PLCG1: variants seen among roughly 807,000 people sequenced by gnomAD.
PLCG1 encodes the protein 1-phosphatidylinositol 4,5-bisphosphate phosphodiesterase gamma-1.
A neutral mutation model predicts 177.8 loss-of-function variants in PLCG1; 71 were observed. The ratio of observed to expected loss-of-function variants is 0.40; its 90% CI spans 0.33 to 0.49. The LOEUF (loss-of-function observed/expected upper bound fraction) is 0.49, where lower values mean the gene tolerates loss of function less well. Among genes scored for constraint, PLCG1 ranks in the 20% least tolerant of loss-of-function variants. The probability of loss-of-function intolerance (pLI) is 0.72; values close to 1 mark genes in which losing one functional copy is unlikely to be tolerated. For missense variants in PLCG1, 1,281 were observed against 1,709.0 expected (o/e 0.75, Z 4.42); for synonymous variants, 658 against 647.9 (o/e 1.02, Z -0.24).
intron 4 of PLCG1, chr20:41,162,224 G>GTTT (rs1568742730): frequency 1.6e-5 from 5 of 314,058 alleles, no homozygotes; most frequent in African/African-American, 1.0e-4. Context: ...TTTTTTGTTT[G>GTTT]TTTTGTTTTT....
chr20:41,163,976 T>A lies in PLCG1; in HGVS notation c.1066T>A (p.Cys356Ser), dbSNP rs1182747481. The A allele has an allele frequency of 6.2e-6, 10 of 1,614,104 alleles. No individual in the cohort carries two copies. Among genetic ancestry groups the A allele is most frequent in the Non-Finnish European group, 8.5e-6 (10 of 1,180,042 alleles). ...SESSLEAYAR[C>S]LRMGCRCIEL... is the part of the protein sequence containing the mutation. ...GTCCTCCTTGGAAGCCTATGCTCGC[T>A]GCCTGCGGATGGGCTGTCGCTGCAT... The change falls in exon 11 of 32, where the codon TGC (cysteine) becomes AGC (serine). Residue 356 changes from cysteine (C) to serine (S), a missense_variant. Coordinates refer to ENST00000685551, the MANE Select transcript of PLCG1 (RefSeq NM_002660.3). This position sits in a 1 kb window ranked among gnomAD's most constrained non-coding sequence, Gnocchi z 5.2.
In PLCG1 at chr20:41,166,686, G is replaced by C; in HGVS notation, c.2128G>C (p.Gly710Arg). ...NSYAISFRAE[G>R]KIKHCRVQQE... The stretch of plus-strand genomic sequence containing the variant: ...TGTTTTGTCCTTGTGAAGGGCTGAG[G>C]GCAAGATCAAGCATTGCCGTGTCCA... The change falls in exon 19 of 32, where the codon GGC becomes CGC. Residue 710 changes from glycine to arginine, a missense_variant. This residue lies in a region of PLCG1 where 723 missense variants were observed against 1,030.0 expected (regional missense o/e 0.70). Transcript: ENST00000685551. This position sits in a 1 kb window ranked among gnomAD's most constrained non-coding sequence, Gnocchi z 8.6. 1 of 1,614,152 alleles carries C rather than the reference G, an allele frequency of 6.2e-7. No homozygotes were observed. Among genetic ancestry groups the C allele is most frequent in the Non-Finnish European group, 8.5e-7 (1 of 1,180,012 alleles).
intron 1 of PLCG1, among the ~76,000 whole-genome samples, chr20:41,141,662 C>A (rs1312834583): frequency 6.6e-6 from 1 of 152,262 alleles, no homozygotes; most frequent in East Asian, 1.9e-4. Context: ...TGTGTATTTC[C>A]TGTCTGATGT....
Position 41,164,822 on chromosome 20 carries a change from T to C in PLCG1, c.1218-111T>C. On this transcript the variant is annotated intron_variant, in intron 12 of 31. Coordinates refer to ENST00000685551, the MANE Select transcript of PLCG1 (RefSeq NM_002660.3). The surrounding 1 kb of genome is among the most constrained non-coding windows in gnomAD (Gnocchi z 6.4). ...CCTGCCTCTTTTCTGGGATAGTTTTTACAGACAAGAAGCCCCCAGGCCCTT... is the reference window on the plus strand; with the variant it reads ...CCTGCCTCTTTTCTGGGATAGTTTTCACAGACAAGAAGCCCCCAGGCCCTT... 1.9e-6 allele frequency: 2 copies of C among 1,064,592 alleles called. No individual in the cohort carries two copies. The highest frequency in any genetic ancestry group is 2.7e-6 in the Non-Finnish European group (2 of 732,286). 65.9% of individuals were successfully genotyped at this position (1,064,592 alleles called of 1,614,324 possible).
intron 1 of PLCG1, among the ~76,000 whole-genome samples, chr20:41,145,817 G>A (rs953321459): frequency 6.6e-6 from 1 of 152,186 alleles, no homozygotes; most frequent in African/African-American, 2.4e-5. Flanking sequence ...CAAGAGATGG[G>A]ACTTGGAGAG....
chr20:41,172,418 C>T lies in PLCG1; in HGVS notation c.2906-3C>T, dbSNP rs1285336066. On this transcript the variant is annotated splice_region_variant and splice_polypyrimidine_tract_variant and intron_variant, in intron 25 of 31. Coordinates refer to ENST00000685551, the MANE Select transcript of PLCG1 (RefSeq NM_002660.3). The surrounding 1 kb of genome is among the most constrained non-coding windows in gnomAD (Gnocchi z 7.0). ...CTGTAAGTGTTTTCCCTGTTTGGCC[C>T]AGAGATTGGCACAGAACGTGCTTGC... The T allele has an allele frequency of 3.7e-6, 6 of 1,613,734 alleles. No homozygotes were observed. Among genetic ancestry groups the T allele is most frequent in the Non-Finnish European group, 5.1e-6 (6 of 1,179,656 alleles).
At position 41,172,265 on chromosome 20, in the gene PLCG1, C is replaced by T. The variant is rs1229040943; in HGVS notation, c.2881C>T (p.Arg961Trp). Residue 961 changes from arginine (R) to tryptophan (W), a missense_variant, in exon 25 of 32, where the codon CGG becomes TGG. Arg to Trp is a moderately radical substitution (Grantham distance 101, BLOSUM62 -3). This residue lies in a region of PLCG1 where 723 missense variants were observed against 1,030.0 expected (regional missense o/e 0.70). Transcript: ENST00000685551. This position sits in a 1 kb window ranked among gnomAD's most constrained non-coding sequence, Gnocchi z 7.0. ...GCTCTCTGAACTTGTCGTCTACTGC[C>T]GGCCTGTTCCCTTTGATGAAGAGAG... ...LELSELVVYC[R>W]PVPFDEEKIG... The T allele has an allele frequency of 2.5e-6, 4 of 1,613,902 alleles. No individual in the cohort carries two copies. Among genetic ancestry groups the T allele is most frequent in the South Asian group, 1.1e-5 (1 of 91,078 alleles).
rs2035552677 is a variant in PLCG1, at chr20:41,162,726, G to A, written c.681+1G>A. ...CCTCATGTACAGCGCCCAGAAGACG[G>A]TGCATGAGCCACCTGCCCTCCCTCA... On this transcript the variant is annotated splice_donor_variant, in intron 6 of 31. Coordinates refer to ENST00000685551, the MANE Select transcript of PLCG1 (RefSeq NM_002660.3). LOFTEE classifies it high-confidence loss of function. 6.2e-7 allele frequency: 1 copy of A among 1,609,866 alleles called. No individual in the cohort carries two copies.
rs1202373059 is a variant in PLCG1, at chr20:41,169,061, A to G, written c.2484-18A>G. On this transcript the variant is annotated intron_variant, in intron 21 of 31. Coordinates refer to ENST00000685551, the MANE Select transcript of PLCG1 (RefSeq NM_002660.3). Reference sequence around the variant, plus strand: ...TTCGGGGTGGTTGCTGGAGGTCAGCACCCTGTGGCTCCCACAGGTGGCGAG... The same window carrying G: ...TTCGGGGTGGTTGCTGGAGGTCAGCGCCCTGTGGCTCCCACAGGTGGCGAG... The G allele has an allele frequency of 3.8e-6, 6 of 1,589,740 alleles. No homozygotes were observed. Among genetic ancestry groups the G allele is most frequent in the African/African-American group, 1.3e-5 (1 of 74,486 alleles).
rs964858229 is a variant in PLCG1, at chr20:41,165,388, G to A, written c.1509+21G>A. ...ACCACGTGAGGACTGGGCCAGGCTG[G>A]GGGTGGTAGGCCAGTGGGTGTGAGG... is the stretch of plus-strand genomic sequence containing the variant. On this transcript the variant is annotated intron_variant, in intron 14 of 31. Transcript: ENST00000685551. The surrounding 1 kb of genome is among the most constrained non-coding windows in gnomAD (Gnocchi z 6.6). The A allele has an allele frequency of 1.1e-5, 18 of 1,613,964 alleles. No homozygotes were observed. In the African/African-American group the frequency reaches 2.1e-4, roughly 19 times the overall value.
chr20:41,159,660 A>T lies in PLCG1; in HGVS notation c.272A>T (p.Asp91Val), dbSNP rs1427252539. The T allele has an allele frequency of 5.0e-6, 8 of 1,614,086 alleles. No individual in the cohort carries two copies. Among genetic ancestry groups the T allele is most frequent in the Non-Finnish European group, 6.8e-6 (8 of 1,180,046 alleles). ...CCAGGGAAGACCTCACGGGACTTTGATCGCTATCAAGAGGACCCAGCTTTC... is the reference window on the plus strand; with the variant it reads ...CCAGGGAAGACCTCACGGGACTTTGTTCGCTATCAAGAGGACCCAGCTTTC... ...IRPGKTSRDF[D>V]RYQEDPAFRP... Residue 91 changes from aspartate to valine, a missense_variant, in exon 2 of 32, where the codon GAT (aspartate) becomes GTT (valine). Transcript: ENST00000685551. This position sits in a 1 kb window ranked among gnomAD's most constrained non-coding sequence, Gnocchi z 6.0.
intron 22 of PLCG1, 111 bp downstream of exon 22, chr20:41,169,286 T>C: frequency 3.1e-6 from 3 of 976,440 alleles, no homozygotes; most frequent in Admixed American, 1.8e-5. Context: ...ACCTGTCACA[T>C]GGGCTGGTCG....
chr20:41,146,795 C>T lies in PLCG1; in HGVS notation c.217+8937C>T, dbSNP rs1417214750. ...GGGTATTGACCACACTGGGTTCTGG[C>T]TGTGTAGGTGTGGATGTGTGGTGGG... On this transcript the variant is annotated intron_variant, in intron 1 of 31. Coordinates refer to ENST00000685551, the MANE Select transcript of PLCG1 (RefSeq NM_002660.3). The surrounding 1 kb of genome is among the most constrained non-coding windows in gnomAD (Gnocchi z 6.3). Among the ~76,000 whole-genome samples, 2 of 152,186 alleles carry T rather than the reference C, an allele frequency of 1.3e-5. No homozygotes were observed. Among genetic ancestry groups the T allele is most frequent in the Non-Finnish European group, 2.9e-5 (2 of 68,038 alleles).
intron 21 of PLCG1, 67 bp downstream of exon 21, chr20:41,168,937 C>A: frequency 8.3e-7 from 1 of 1,204,218 alleles, no homozygotes; most frequent in Non-Finnish European, 1.2e-6. Context: ...CAAAGACATG[C>A]ATTTGTGATG....
Position 41,137,736 on chromosome 20 carries a change from G to T in PLCG1, c.95G>T (p.Gly32Val). The T allele has an allele frequency of 7.6e-7, 1 of 1,319,246 alleles. No homozygotes were observed. The highest frequency in any genetic ancestry group is 9.7e-7 in the Non-Finnish European group (1 of 1,029,200). The allele number at this position is 1,319,246 out of a possible 1,614,324, so 81.7% of individuals were successfully genotyped here. The change falls in exon 1 of 32, where the codon GGC (glycine) becomes GTC (valine). Residue 32 changes from glycine to valine, a missense_variant. Transcript: ENST00000685551. This position sits in a 1 kb window ranked among gnomAD's most constrained non-coding sequence, Gnocchi z 7.3. ...CACCTCTGCCGCAGCCTCGAGGTGGGCACCGTCATGACTTTGTTCTACTCC... is the reference window on the plus strand; with the variant it reads ...CACCTCTGCCGCAGCCTCGAGGTGGTCACCGTCATGACTTTGTTCTACTCC... ...VLHLCRSLEV[G>V]TVMTLFYSKK...
At position 41,166,288 on chromosome 20, in the gene PLCG1, C is replaced by G. The variant is rs1399017059; in HGVS notation, c.1894C>G (p.Leu632Val). The stretch of plus-strand genomic sequence containing the variant: ...GACAGACAACCTCGTCTTTGACTCC[C>G]TCTATGACCTCATCACGCACTACCA... ...FLTDNLVFDS[L>V]YDLITHYQQV... The change falls in exon 17 of 32, where the codon CTC (leucine) becomes GTC (valine). Residue 632 changes from leucine to valine, a missense_variant. Leu to Val is a conservative substitution (Grantham distance 32). Coordinates refer to ENST00000685551, the MANE Select transcript of PLCG1 (RefSeq NM_002660.3). The surrounding 1 kb of genome is among the most constrained non-coding windows in gnomAD (Gnocchi z 8.6). The G allele has an allele frequency of 6.2e-7, 1 of 1,614,102 alleles. No individual in the cohort carries two copies.
chr20:41,163,033 C>G lies in PLCG1; in HGVS notation c.716+41C>G. ...GGGAGGTGGGGTTTTCCCTGGGCCC[C>G]CTTCATCTCTCCACTGGGCGATTCT... On this transcript the variant is annotated intron_variant, in intron 7 of 31. Transcript: ENST00000685551. This position sits in a 1 kb window ranked among gnomAD's most constrained non-coding sequence, Gnocchi z 5.2. The G allele has an allele frequency of 1.9e-6, 3 of 1,600,396 alleles. No homozygotes were observed. Among genetic ancestry groups the G allele is most frequent in the Non-Finnish European group, 2.6e-6 (3 of 1,167,482 alleles).
chr20:41,160,085 A>T lies in PLCG1; in HGVS notation c.465-21A>T, dbSNP rs1568740545. On this transcript the variant is annotated intron_variant, in intron 3 of 31. Transcript: ENST00000685551. The surrounding 1 kb of genome is among the most constrained non-coding windows in gnomAD (Gnocchi z 5.5). ...GACTGTAGATGGAGAAGTGGCCCTC[A>T]CCTCAGGCTTCTCTCTCCAGGTGGC... 10 of 1,613,836 alleles carry T rather than the reference A, an allele frequency of 6.2e-6. No homozygotes were observed. Among genetic ancestry groups the T allele is most frequent in the Non-Finnish European group, 6.8e-6 (8 of 1,179,776 alleles).
chr20:41,160,044 G>A lies in PLCG1; in HGVS notation c.465-62G>A, dbSNP rs2146032591. ...GGGACAGCAGACCTTTGTGTGCCCAGACATCTCCCAGGCCTGACTGTAGAT... is the reference window on the plus strand; with the variant it reads ...GGGACAGCAGACCTTTGTGTGCCCAAACATCTCCCAGGCCTGACTGTAGAT... On this transcript the variant is annotated intron_variant, in intron 3 of 31. Transcript: ENST00000685551. The surrounding 1 kb of genome is among the most constrained non-coding windows in gnomAD (Gnocchi z 5.5). 8.1e-6 allele frequency: 13 copies of A among 1,601,958 alleles called. No individual in the cohort carries two copies. The highest frequency in any genetic ancestry group is 1.0e-5 in the Non-Finnish European group (12 of 1,168,922).
Sources: gnomAD v4.1 joint callset for allele counts (sites outside exome capture counted in the v4.1 genomes callset) on GRCh38, gnomAD v4.1.1 for gene constraint, gnomAD v4.1.1 regional missense constraint, Gnocchi (gnomAD v3.1) non-coding constraint, MANE v1.5 for transcripts, NCBI Gene and HGNC (gene_info 2026-07-23, HGNC 2026-07-21) for gene names.